Variants in SNAP29 observed in about 807,000 individuals in gnomAD.
The protein encoded by SNAP29 is synaptosomal-associated protein 29.
Under a neutral mutation model 27.9 loss-of-function variants are expected in SNAP29, and 13 were observed. That is an observed-to-expected ratio of 0.47 (90% CI 0.30 to 0.74). SNAP29 has a LOEUF of 0.74. Among genes scored for constraint, SNAP29 ranks in the 30% least tolerant of loss-of-function variants. SNAP29 has a pLI of 0.06. For synonymous variants in SNAP29, 119 were observed against 127.1 expected (o/e 0.94, Z 0.43); for missense variants, 368 against 336.5 (o/e 1.09, Z -0.73).
At chr22:20,869,216 C>T (rs773617736) in intron 1 of SNAP29, among the ~76,000 whole-genome samples, 6 of 152,124 alleles carry the variant, frequency 3.9e-5, no homozygotes, top group South Asian at 2.1e-4. Context: ...GCTAATATCA[C>T]GCCACTGCAC....
rs1929109226 is a variant in SNAP29 at position 20,889,931 on chromosome 22, C to G, written c.*2095C>G. ...TGGACTGATGAAGCCAGTCACCCGC[C>G]CTTCTCTGTTTTTTGGTTTTTTTTT... On this transcript the variant is annotated 3_prime_UTR_variant, in exon 5 of 5. Coordinates refer to ENST00000215730, the MANE Select transcript of SNAP29 (RefSeq NM_004782.4). The G allele has an allele frequency of 4.5e-6, 1 of 220,642 alleles. No homozygotes were observed. Among genetic ancestry groups the G allele is most frequent in the Admixed American group, 5.8e-5 (1 of 17,250 alleles). 13.7% of individuals were successfully genotyped at this position (220,642 alleles called of 1,614,324 possible).
chr22:20,887,830 ACT>A lies in SNAP29; in HGVS notation c.774_775del (p.Ter259LysfsTer14). Reference protein sequence around the residue: ...IKSTERKVRQL With the variant: ...IKSTERKVRQX ...AAAGCACAGAAAGAAAAGTTCGACAACTCTGAAGACAGACGGATTTCCACTCT... is the reference window on the plus strand; with the variant it reads ...AAAGCACAGAAAGAAAAGTTCGACAACTGAAGACAGACGGATTTCCACTCT... On this transcript the variant is annotated frameshift_variant, in exon 5 of 5. Transcript: ENST00000215730. LOFTEE classifies it high-confidence loss of function. 2 of 1,614,006 alleles carry A rather than the reference ACT, an allele frequency of 1.2e-6. No homozygotes were observed. The highest frequency in any genetic ancestry group is 1.7e-6 in the Non-Finnish European group (2 of 1,179,918).
At chr22:20,868,243 A>G (rs1286538235) in intron 1 of SNAP29, among the ~76,000 whole-genome samples, 1 of 152,196 alleles carries the variant, frequency 6.6e-6, no homozygotes, top group East Asian at 1.9e-4. Context: ...TGCTTGACAT[A>G]CTGAGTGACA....
chr22:20,859,427 C>A, intron 1 of SNAP29, 80 bp downstream of exon 1: 1 of 1,085,314 alleles, frequency 9.2e-7, no homozygotes, highest in Non-Finnish European at 1.4e-6. Flanking sequence ...TGCTCACAAT[C>A]TTTTGAGAAT....
intron 4 of SNAP29, among the ~76,000 whole-genome samples, chr22:20,884,158 C>A (rs1290716916): frequency 6.6e-6 from 1 of 152,028 alleles, no homozygotes; most frequent in Non-Finnish European, 1.5e-5. Context: ...CATGGTGAAA[C>A]CCTGTCTCTA....
intron 2 of SNAP29, among the ~76,000 whole-genome samples, chr22:20,874,307 GACACACACAGACACAC>G (rs1024742265): frequency 3.4e-5 from 4 of 117,642 alleles, no homozygotes; most frequent in Non-Finnish European, 6.8e-5. Context: ...GACACACACA[GACACACACAGACACAC>G]ACACACACAC....
At chr22:20,885,139 C>T (rs941188440) in intron 4 of SNAP29, among the ~76,000 whole-genome samples, 6 of 152,122 alleles carry the variant, frequency 3.9e-5, no homozygotes, top group African/African-American at 1.4e-4. Context: ...GGCCTGTGGG[C>T]AGTTCTGTGA....
rs200344564 is a variant in SNAP29, at chr22:20,887,672, C to G, written c.620-7C>G. The G allele has an allele frequency of 8.4e-5, 136 of 1,614,178 alleles. No homozygotes were observed. The East Asian group carries it at 3.0e-3, about 35-fold the overall frequency. On this transcript the variant is annotated splice_polypyrimidine_tract_variant and splice_region_variant and intron_variant, in intron 4 of 4. Transcript: ENST00000215730. ...TCATGCCTGCGTGTCATTTCCTCCT[C>G]CTGCAGATGAGCTGTCCATGGGACT...
At chr22:20,870,600 CT>C (rs1369328282) in intron 2 of SNAP29, 67 bp downstream of exon 2, 1 of 1,444,306 alleles carries the variant, frequency 6.9e-7, no homozygotes, top group Non-Finnish European at 9.6e-7. Context: ...ATGACCAAGA[CT>C]TTCAGTCCAC....
At chr22:20,874,186 T>A (rs362158) in intron 2 of SNAP29, among the ~76,000 whole-genome samples, 147,519 of 147,520 alleles carry the variant, frequency 1, 73,759 homozygotes, top group Middle Eastern at 1. Context: ...GAGAAATGTG[T>A]ATGGCGTGAA....
In SNAP29 at chr22:20,870,379, ATGG is replaced by A; in HGVS notation, c.284_286del (p.Val95del). 1 of 1,614,146 alleles carries A rather than the reference ATGG, an allele frequency of 6.2e-7. No homozygotes were observed. The highest frequency in any genetic ancestry group is 8.5e-7 in the Non-Finnish European group (1 of 1,180,012). On this transcript the variant is annotated inframe_deletion, in exon 2 of 5. Coordinates refer to ENST00000215730, the MANE Select transcript of SNAP29 (RefSeq NM_004782.4). ...AGGAGTCCTGGAGCGCACAGAGAAGATGGTGGACAAGATGGACCAAGATTTGAA... is the reference window on the plus strand; with the variant it reads ...AGGAGTCCTGGAGCGCACAGAGAAGATGGACAAGATGGACCAAGATTTGAA...
intron 2 of SNAP29, among the ~76,000 whole-genome samples, chr22:20,875,367 C>G (rs1007560111): frequency 2.0e-5 from 3 of 152,156 alleles, no homozygotes; most frequent in African/African-American, 7.2e-5. Flanking sequence ...TTAGTAAATT[C>G]AAGAAAGCAA....
At chr22:20,881,818 C>T (rs1035231573) in intron 3 of SNAP29, among the ~76,000 whole-genome samples, 27 of 152,118 alleles carry the variant, frequency 1.8e-4, no homozygotes, top group African/African-American at 6.0e-4. Flanking sequence ...GAATACTGGC[C>T]CCTCAAAGCT....
At chr22:20,877,197 C>T (rs5996960) in intron 2 of SNAP29, among the ~76,000 whole-genome samples, 4,103 of 151,828 alleles carry the variant, frequency 0.027, 186 homozygotes, top group African/African-American at 0.094. Context: ...TTGAGGTGGG[C>T]GGATCACAAA....
chr22:20,864,012 T>C (rs546890834), intron 1 of SNAP29, among the ~76,000 whole-genome samples: 21 of 152,218 alleles, frequency 1.4e-4, no homozygotes, highest in Admixed American at 3.3e-4. Flanking sequence ...TGTCCCCTAA[T>C]GATGAGCATT....
chr22:20,870,824 TC>T, intron 2 of SNAP29: 1 of 466,680 alleles, frequency 2.1e-6, no homozygotes, highest in South Asian at 2.1e-5. Context: ...GTGACTCACT[TC>T]ACATAATTTT....
intron 4 of SNAP29, among the ~76,000 whole-genome samples, chr22:20,883,864 A>G (rs1928950270): frequency 6.6e-6 from 1 of 152,062 alleles, no homozygotes; most frequent in Admixed American, 6.6e-5. Context: ...CGCTCACTTC[A>G]TCCTTCCCAC....
At chr22:20,886,597 C>T (rs1272107079) in intron 4 of SNAP29, among the ~76,000 whole-genome samples, 2 of 145,114 alleles carry the variant, frequency 1.4e-5, no homozygotes, top group Non-Finnish European at 3.0e-5. Flanking sequence ...GCATGAGCCA[C>T]CACACTCAGC....
chr22:20,884,197 G>A (rs1474084735), intron 4 of SNAP29, among the ~76,000 whole-genome samples: 2 of 152,076 alleles, frequency 1.3e-5, no homozygotes, highest in African/African-American at 2.4e-5. Flanking sequence ...GCCGGGCGTG[G>A]TGGCAGGCGC....
Sources: gnomAD v4.1 joint callset for allele counts (sites outside exome capture counted in the v4.1 genomes callset) on GRCh38, gnomAD v4.1.1 for gene constraint, MANE v1.5 for transcripts, NCBI Gene and HGNC (gene_info 2026-07-23, HGNC 2026-07-21) for gene names.